The following HSPG2 variants were observed in gnomAD, a reference collection of about 807,000 sequenced individuals.
The protein encoded by HSPG2 is heparan sulfate proteoglycan 2.
Under a neutral mutation model 526.6 loss-of-function variants are expected in HSPG2, and 278 were observed. The observed-to-expected ratio is 0.53, with a 90% CI of 0.48 to 0.58. The LOEUF (loss-of-function observed/expected upper bound fraction) is 0.58. Ranked by LOEUF, HSPG2 falls within the 20% of genes least tolerant of loss-of-function variation. The pLI is 0.00. For synonymous variants in HSPG2, 2,465 were observed against 2,555.4 expected (o/e 0.96, Z 1.07); for missense variants, 5,354 against 6,099.5 (o/e 0.88, Z 4.07).
At position 21,904,022 on chromosome 1, in the gene HSPG2, C is replaced by A. The variant is rs1381340028; in HGVS notation, c.64-7712G>T. Among the ~76,000 whole-genome samples the A allele has an allele frequency of 6.6e-6, 1 of 152,238 alleles. No homozygotes were observed. Among genetic ancestry groups the A allele is most frequent in the East Asian group, 1.9e-4 (1 of 5,194 alleles). ...CTGTCCCATTTGGTTCAATTCAAGT[C>A]ACTTCAACCTCGACTTACGGGGTAC... On this transcript the variant is annotated intron_variant, in intron 1 of 96. Coordinates refer to ENST00000374695, the MANE Select transcript of HSPG2 (RefSeq NM_005529.7). This position sits in a 1 kb window ranked among gnomAD's most constrained non-coding sequence, Gnocchi z 4.4.
intron 37 of HSPG2, among the ~76,000 whole-genome samples, chr1:21,863,060 C>CAAAAACAAAACAAAAAAAAA (rs1423127350): frequency 3.2e-5 from 1 of 31,232 alleles, no homozygotes; most frequent in African/African-American, 1.5e-4. Context: ...GACTCCATCT[C>CAAAAACAAAACAAAAAAAAA]AAAAAAAAAA....
chr1:21,854,181 C>T lies in HSPG2; in HGVS notation c.6439+12G>A. 1 of 1,571,292 alleles carries T rather than the reference C, an allele frequency of 6.4e-7. No individual in the cohort carries two copies. Among genetic ancestry groups the T allele is most frequent in the Non-Finnish European group, 8.7e-7 (1 of 1,155,972 alleles). On this transcript the variant is annotated intron_variant, in intron 50 of 96. Coordinates refer to ENST00000374695, the MANE Select transcript of HSPG2 (RefSeq NM_005529.7). ...GGGCTCAGCCCCGGCCCAGCCACAC[C>T]TGGCTCCTCACCTGGGGTGTAGCTG...
At chr1:21,927,957 C>A (rs1644249361) in intron 1 of HSPG2, among the ~76,000 whole-genome samples, 1 of 152,242 alleles carries the variant, frequency 6.6e-6, no homozygotes, top group Non-Finnish European at 1.5e-5. Context: ...CTCAGATATT[C>A]CACCGGCCTT....
chr1:21,876,449 A>G (rs771042685), intron 22 of HSPG2, 44 bp from the exon 23 acceptor site: 2 of 1,612,044 alleles, frequency 1.2e-6, no homozygotes, highest in African/African-American at 1.3e-5. Context: ...GTGGCCTGGG[A>G]CTGGCGCTTG....
chr1:21,854,408 G>T, intron 49 of HSPG2, 65 bp from the exon 50 acceptor site: 2 of 1,532,936 alleles, frequency 1.3e-6, no homozygotes, highest in South Asian at 2.4e-5. Flanking sequence ...CACTCCCTCA[G>T]CCTCAGTGAT....
intron 1 of HSPG2, among the ~76,000 whole-genome samples, chr1:21,930,193 G>T (rs1337077684): frequency 6.6e-6 from 1 of 152,104 alleles, no homozygotes; most frequent in Non-Finnish European, 1.5e-5. Context: ...TGCACTAGCT[G>T]TGCCCTCTGC....
At chr1:21,866,518 A>G (rs1416757169) in intron 33 of HSPG2, among the ~76,000 whole-genome samples, 1 of 152,172 alleles carries the variant, frequency 6.6e-6, no homozygotes, top group Non-Finnish European at 1.5e-5. Context: ...GAAGCTGGAG[A>G]ACCAAGATAA....
chr1:21,887,738 C>CA lies in HSPG2; in HGVS notation c.704-65dup. ...TGGCTCCTCACCTGCTCCTTGTCCC[C>CA]AACCCTCCCCAGGCCCACCCTGTAC... On this transcript the variant is annotated intron_variant, in intron 7 of 96. Coordinates refer to ENST00000374695, the MANE Select transcript of HSPG2 (RefSeq NM_005529.7). This position sits in a 1 kb window ranked among gnomAD's most constrained non-coding sequence, Gnocchi z 5.0. 1 of 1,608,568 alleles carries CA rather than the reference C, an allele frequency of 6.2e-7. No individual in the cohort carries two copies.
At chr1:21,888,701 G>A (rs1434921453) in intron 6 of HSPG2, 1 of 1,365,616 alleles carries the variant, frequency 7.3e-7, no homozygotes, top group Non-Finnish European at 9.8e-7. Context: ...GCGGCCGGCG[G>A]GGGTGGGGGG....
In HSPG2 at chr1:21,857,182, G is replaced by A. The variant is rs1457881757; in HGVS notation, c.5408C>T (p.Thr1803Ile). ...GTTGTGCAGGCGGGTCCACACCAGGGTATAGGCTGGGGACTGCAGGGCAAG... is the reference window on the plus strand; with the variant it reads ...GTTGTGCAGGCGGGTCCACACCAGGATATAGGCTGGGGACTGCAGGGCAAG... ...CTAKSKSPAY[T>I]LVWTRLHNGK... The change falls in exon 44 of 97, where the codon ACC becomes ATC. Residue 1803 changes from threonine (T) to isoleucine (I), a missense_variant. Transcript: ENST00000374695. The A allele has an allele frequency of 8.7e-6, 14 of 1,614,166 alleles. No individual in the cohort carries two copies. In the East Asian group the frequency reaches 8.9e-5, roughly 10 times the overall value.
At position 21,849,079 on chromosome 1, in the gene HSPG2, G is replaced by T. The variant is rs756843483; in HGVS notation, c.7447-48C>A. 3.2e-5 allele frequency: 52 copies of T among 1,600,862 alleles called. No homozygotes were observed. The South Asian group carries it at 5.7e-4, about 18-fold the overall frequency. On this transcript the variant is annotated intron_variant, in intron 57 of 96. Coordinates refer to ENST00000374695, the MANE Select transcript of HSPG2 (RefSeq NM_005529.7). ...GGCAGGCTCAGAGCTGGGCACTGCG[G>T]CTCACGCCAAGCTCCTGTTCCCTTC...
chr1:21,924,617 G>A (rs760463174), intron 1 of HSPG2, among the ~76,000 whole-genome samples: 1 of 152,080 alleles, frequency 6.6e-6, no homozygotes, highest in South Asian at 2.1e-4. Flanking sequence ...AGGAGAGATG[G>A]TAGCTGACTG....
chr1:21,847,461 A>G lies in HSPG2; in HGVS notation c.8057T>C (p.Met2686Thr), dbSNP rs1557707007. The change falls in exon 62 of 97, where the codon ATG (methionine) becomes ACG (threonine). Residue 2686 changes from methionine (M) to threonine (T), a missense_variant. By Grantham distance (81) the Met-to-Thr change is moderately conservative. Coordinates refer to ENST00000374695, the MANE Select transcript of HSPG2 (RefSeq NM_005529.7). This position sits in a 1 kb window ranked among gnomAD's most constrained non-coding sequence, Gnocchi z 4.1. Reference protein sequence around the residue: ...THGSHLRLHQMSVADSGEYVC... With the variant: ...THGSHLRLHQTSVADSGEYVC... ...ATACTCGCCCGAGTCAGCCACAGAC[A>G]TTTGGTGCAACCGCAGGTGGGAGCC... 1.2e-6 allele frequency: 2 copies of G among 1,613,924 alleles called. No individual in the cohort carries two copies. Among genetic ancestry groups the G allele is most frequent in the Non-Finnish European group, 1.7e-6 (2 of 1,180,024 alleles).
At chr1:21,896,023 G>A in intron 2 of HSPG2, 57 bp from the exon 3 acceptor site, 1 of 1,591,180 alleles carries the variant, frequency 6.3e-7, no homozygotes. Context: ...AGTACCTACT[G>A]GGTGTCAGGC....
At chr1:21,826,513 AT>A (rs376059562) in intron 91 of HSPG2, among the ~76,000 whole-genome samples, 5 of 149,116 alleles carry the variant, frequency 3.4e-5, no homozygotes, top group Middle Eastern at 3.4e-3. Flanking sequence ...TGAATATAGT[AT>A]TTTTTTTTGA....
At chr1:21,840,111 C>G (rs1224512089) in intron 71 of HSPG2, 94 bp from the exon 72 acceptor site, 11 of 947,468 alleles carry the variant, frequency 1.2e-5, no homozygotes, top group African/African-American at 6.4e-5. Flanking sequence ...TTTCCTCTAC[C>G]CTGCCTTGGT....
At chr1:21,889,958 C>A in intron 6 of HSPG2, 23 bp downstream of exon 6, 2 of 1,613,902 alleles carry the variant, frequency 1.2e-6, no homozygotes, top group Non-Finnish European at 1.7e-6. Flanking sequence ...AGGAGGCGAT[C>A]CCAGACACCA....
intron 44 of HSPG2, among the ~76,000 whole-genome samples, chr1:21,856,411 C>T (rs934561341): frequency 1.4e-4 from 22 of 152,196 alleles, no homozygotes; most frequent in African/African-American, 5.1e-4. Flanking sequence ...CCTCTCCCAC[C>T]TTGTTTTATT....
Position 21,860,376 on chromosome 1 carries a change from G to C in HSPG2, c.4956-141C>G, listed in dbSNP as rs566389432. On this transcript the variant is annotated intron_variant, in intron 39 of 96. Transcript: ENST00000374695. ...AGCTCTGGAAGCACTTTGGGGACCA[G>C]ACAGGCCCCAACGCAGGGTGCTGGT... The C allele has an allele frequency of 1.2e-4, 84 of 706,804 alleles. 2 individuals carry two copies. The Middle Eastern group carries it at 1.6e-3, about 13-fold the overall frequency. 43.8% of individuals were successfully genotyped at this position (706,804 alleles called of 1,614,324 possible). A position where few individuals can be genotyped will look rare whatever the true frequency, so the allele number is the denominator to read the frequency against.
Sources: gnomAD v4.1 joint callset for allele counts (sites outside exome capture counted in the v4.1 genomes callset) on GRCh38, gnomAD v4.1.1 for gene constraint, Gnocchi (gnomAD v3.1) non-coding constraint, MANE v1.5 for transcripts, NCBI Gene and HGNC (gene_info 2026-07-23, HGNC 2026-07-21) for gene names.